Variants in MICAL1 observed in about 807,000 individuals in gnomAD.
MICAL1 encodes microtubule associated monooxygenase, calponin and LIM domain containing 1, also known as [F-actin]-monooxygenase MICAL1.
A neutral mutation model predicts 131.8 loss-of-function variants in MICAL1; 95 were observed. That is an observed-to-expected ratio of 0.72 (90% CI 0.61 to 0.86). MICAL1 has a LOEUF of 0.86. Among genes scored for constraint, MICAL1 ranks in the 40% least tolerant of loss-of-function variants. The pLI, the probability that MICAL1 is intolerant of heterozygous loss-of-function variation, is 0.00. For missense variants in MICAL1, 1,292 were observed against 1,380.6 expected, an observed-to-expected ratio of 0.94 and a Z score of 1.02; for synonymous variants, 546 against 554.2, an observed-to-expected ratio of 0.99 and a Z score of 0.21.
At chr6:109,455,906 G>A (rs1045080334), upstream of MICAL1, 1 of 985,442 alleles carries the variant, frequency 1.0e-6, no homozygotes, top group Admixed American at 6.1e-5. The surrounding 1 kb of genome is among the most constrained non-coding windows in gnomAD (Gnocchi z 4.7). Flanking sequence ...GGCGCGGGGC[G>A]CCGCCCGGGC....
At chr6:109,448,109 C>CACACACACACACACACACACAA (rs1775323667) in intron 13 of MICAL1, 94 bp downstream of exon 13, 1 of 1,363,596 alleles carries the variant, frequency 7.3e-7, no homozygotes, top group African/African-American at 1.8e-5. Flanking sequence ...CACACACACA[C>CACACACACACACACACACACAA]ACACACACCG....
At chr6:109,448,053 CCT>C in intron 13 of MICAL1, 90 bp from the exon 14 acceptor site, 1 of 1,452,422 alleles carries the variant, frequency 6.9e-7, no homozygotes, top group African/African-American at 1.5e-5. Context: ...CAGAAGGACA[CCT>C]CTCCCAGGCT....
upstream of MICAL1, among the ~76,000 whole-genome samples, chr6:109,457,452 G>A (rs1302973016): frequency 2.6e-5 from 4 of 152,226 alleles, no homozygotes; most frequent in East Asian, 5.8e-4. Context: ...ACGAAGCTAT[G>A]TCTTGTTTAG....
Position 109,455,636 on chromosome 6 carries a change from C to G in MICAL1, c.-44+83G>C. The G allele has an allele frequency of 5.5e-6, 5 of 905,988 alleles. No individual in the cohort carries two copies. The highest frequency in any genetic ancestry group is 6.6e-6 in the Non-Finnish European group (5 of 757,138). 56.1% of individuals were successfully genotyped at this position (905,988 alleles called of 1,614,324 possible). On this transcript the variant is annotated intron_variant, in intron 1 of 24. Transcript: ENST00000358807. The surrounding 1 kb of genome is among the most constrained non-coding windows in gnomAD (Gnocchi z 4.7). ...CTGCCAGGCGTGGTTCCCGAGCGACCGCAGCTGCGTTTCCCCGGAAGCGCA... is the reference window on the plus strand; with the variant it reads ...CTGCCAGGCGTGGTTCCCGAGCGACGGCAGCTGCGTTTCCCCGGAAGCGCA...
chr6:109,453,445 G>C, intron 3 of MICAL1, 78 bp from the exon 4 acceptor site: 1 of 1,540,426 alleles, frequency 6.5e-7, no homozygotes, highest in Non-Finnish European at 8.9e-7. Flanking sequence ...GCCTGGTCAG[G>C]GTCAGACTGG....
intron 1 of MICAL1, chr6:109,463,255 G>A (rs1477992309): frequency 1.3e-5 from 2 of 152,266 alleles, no homozygotes; most frequent in Non-Finnish European, 2.9e-5. Context: ...AAAGTGCTGG[G>A]ATTACAGGCA....
In MICAL1 at chr6:109,451,650, C is replaced by CAA; in HGVS notation, c.881_882dup (p.Val295LeufsTer2). 1 of 1,614,108 alleles carries CAA rather than the reference C, an allele frequency of 6.2e-7. No individual in the cohort carries two copies. Among genetic ancestry groups the CAA allele is most frequent in the Non-Finnish European group, 8.5e-7 (1 of 1,179,994 alleles). ...AGGCACTGCTTCTTGGCTGTCATCA[C>CAA]AAAGTAGTGGGTGTCGTCCTTGTAG... On this transcript the variant is annotated frameshift_variant, in exon 7 of 25. Transcript: ENST00000358807. LOFTEE classifies it high-confidence loss of function.
At chr6:109,448,029 G>C in intron 13 of MICAL1, 66 bp from the exon 14 acceptor site, 4 of 1,477,884 alleles carry the variant, frequency 2.7e-6, no homozygotes, top group South Asian at 1.3e-5. Flanking sequence ...AGAACAGACA[G>C]TCACTCTCCA....
intron 1 of MICAL1, chr6:109,463,451 A>G (rs1319521994): frequency 6.6e-6 from 1 of 152,230 alleles, no homozygotes; most frequent in African/African-American, 2.4e-5. Flanking sequence ...ATGCTGTCCA[A>G]TATAGCAGCC....
In MICAL1 at chr6:109,452,197, G is replaced by A. The variant is rs776937336; in HGVS notation, c.832+49C>T. ...GTTTGGAAGGGAGAGGCAGGAGCCA[G>A]GCCACAGTCAGGCAGGGGGAGGGGA... On this transcript the variant is annotated intron_variant, in intron 6 of 24. Transcript: ENST00000358807. The A allele has an allele frequency of 2.5e-6, 4 of 1,575,992 alleles. No individual in the cohort carries two copies. The East Asian group carries it at 9.0e-5, about 36-fold the overall frequency.
chr6:109,461,935 A>T (rs955757853), intron 1 of MICAL1, among the ~76,000 whole-genome samples: 1 of 152,128 alleles, frequency 6.6e-6, no homozygotes, highest in African/African-American at 2.4e-5. Context: ...TAAGCATAAT[A>T]ATTACTCACC....
chr6:109,444,771 T>C lies in MICAL1; in HGVS notation c.3009A>G (p.Lys1003=). 2 of 1,614,132 alleles carry C rather than the reference T, an allele frequency of 1.2e-6. No homozygotes were observed. The highest frequency in any genetic ancestry group is 1.7e-6 in the Non-Finnish European group (2 of 1,180,018). The change falls in exon 24 of 25, where the codon AAA becomes AAG. Residue 1003 remains lysine (K), a synonymous_variant. Coordinates refer to ENST00000358807, the MANE Select transcript of MICAL1 (RefSeq NM_022765.4). ...GTAGCTCCTGGTCCAGCTGCCACTG[T>C]TTCTCCTCCAGATTCAATTCCTGCA... is the stretch of plus-strand genomic sequence containing the variant. ...ITVQELNLEE[K]QWQLDQELRG...
In MICAL1 at chr6:109,447,126, T is replaced by G. The variant is rs777642656; in HGVS notation, c.2174A>C (p.His725Pro). The G allele has an allele frequency of 1.2e-6, 2 of 1,614,188 alleles. No homozygotes were observed. Among genetic ancestry groups the G allele is most frequent in the Non-Finnish European group, 1.7e-6 (2 of 1,180,024 alleles). ...HFFHRSCFRCHTCEATLWPGG... is the reference protein window; with the variant it reads ...HFFHRSCFRCPTCEATLWPGG... The stretch of plus-strand genomic sequence containing the variant: ...TGGCCACAGTGTGGCCTCACAGGTA[T>G]GGCAGCGGAAGCAGCTCCGGTGGAA... The change falls in exon 17 of 25, where the codon CAT (histidine) becomes CCT (proline). Residue 725 changes from histidine (H) to proline (P), a missense_variant. Physicochemically the swap from His to Pro is moderately conservative, Grantham distance 77 (BLOSUM62 -2). Transcript: ENST00000358807.
At position 109,455,761 on chromosome 6, in the gene MICAL1, G is replaced by A; in HGVS notation, c.-86C>T. 1.0e-6 allele frequency: 1 copy of A among 957,830 alleles called. No homozygotes were observed. The highest frequency in any genetic ancestry group is 1.2e-6 in the Non-Finnish European group (1 of 822,006). The allele number at this position is 957,830 out of a possible 1,614,324, so 59.3% of individuals were successfully genotyped here. On this transcript the variant is annotated 5_prime_UTR_variant, in exon 1 of 25. Coordinates refer to ENST00000358807, the MANE Select transcript of MICAL1 (RefSeq NM_022765.4). The surrounding 1 kb of genome is among the most constrained non-coding windows in gnomAD (Gnocchi z 4.7). ...GGAGGGGCCGCTTCCTGTTGGGCTGGCAACCAGGTCTGAGCGGGTGGGAGG... is the reference window on the plus strand; with the variant it reads ...GGAGGGGCCGCTTCCTGTTGGGCTGACAACCAGGTCTGAGCGGGTGGGAGG...
intron 11 of MICAL1, chr6:109,449,158 C>A: frequency 1.5e-6 from 1 of 669,720 alleles, no homozygotes; most frequent in Non-Finnish European, 2.7e-6. Context: ...GTTGCCAGCA[C>A]CACTATGGCT....
At chr6:109,453,032 T>C (rs576805493) in intron 4 of MICAL1, among the ~76,000 whole-genome samples, 1 of 152,258 alleles carries the variant, frequency 6.6e-6, no homozygotes, top group African/African-American at 2.4e-5. Flanking sequence ...TGGTGGCACA[T>C]GCCTGTAATC....
rs3054663 is a variant in MICAL1 at position 109,448,133 on chromosome 6, TCACA to T, written c.1855+66_1855+69del. On this transcript the variant is annotated intron_variant, in intron 13 of 24. Transcript: ENST00000358807. ...ACACACACACCGCCTTCTCCCTCTG[TCACA>T]CACACACACACACACACACACACCT... The T allele has an allele frequency of 1.3e-3, 1,898 of 1,435,864 alleles. 1 individual carries two copies. The highest frequency in any genetic ancestry group is 1.5e-3 in the Non-Finnish European group (1,578 of 1,058,188). 88.9% of individuals were successfully genotyped at this position (1,435,864 alleles called of 1,614,324 possible). A position where few individuals can be genotyped will look rare whatever the true frequency, so the allele number is the denominator to read the frequency against.
chr6:109,465,602 G>C, intron 1 of MICAL1: 1 of 1,505,008 alleles, frequency 6.6e-7, no homozygotes, highest in Non-Finnish European at 8.9e-7. Context: ...GTCTTTATGA[G>C]ACATTGCAGA....
rs1290477770 is a variant in MICAL1 at position 109,448,249 on chromosome 6, G to T, written c.1809C>A (p.Tyr603Ter). 3 of 1,613,670 alleles carry T rather than the reference G, an allele frequency of 1.9e-6. No homozygotes were observed. The East Asian group carries it at 6.7e-5, about 36-fold the overall frequency. Residue 603 changes from tyrosine (Y) to a stop codon, truncating the protein, a stop_gained, in exon 13 of 25, where the codon TAC (tyrosine) becomes TAA (stop). Coordinates refer to ENST00000358807, the MANE Select transcript of MICAL1 (RefSeq NM_022765.4). LOFTEE classifies it high-confidence loss of function. ...TGAAGGCACTGTGGAAGTGGCTGAG[G>T]TAGGCAATGAGGCCCAGTGGGTCAC... Reference protein sequence around the residue: ...AGSDPLGLIAYLSHFHSAFKS... With the variant: ...AGSDPLGLIA
Sources: gnomAD v4.1 joint callset for allele counts (sites outside exome capture counted in the v4.1 genomes callset) on GRCh38, gnomAD v4.1.1 for gene constraint, Gnocchi (gnomAD v3.1) non-coding constraint, MANE v1.5 for transcripts, NCBI Gene and HGNC (gene_info 2026-07-23, HGNC 2026-07-21) for gene names.